The following PDE1A variants were observed in gnomAD, a reference collection of about 807,000 sequenced individuals.
PDE1A encodes dual specificity calcium/calmodulin-dependent 3',5'-cyclic nucleotide phosphodiesterase 1A.
Under a neutral mutation model 61.7 loss-of-function variants are expected in PDE1A, and 35 were observed. The observed-to-expected ratio is 0.57, with a 90% CI of 0.43 to 0.75. The LOEUF (loss-of-function observed/expected upper bound fraction) is 0.75. PDE1A is among the 30% of genes least tolerant of loss of function. The pLI, the probability that PDE1A is intolerant of heterozygous loss-of-function variation, is 0.00. For synonymous variants in PDE1A, 232 were observed against 213.2 expected (o/e 1.09, Z -0.77); for missense variants, 597 against 630.6 (o/e 0.95, Z 0.57).
At chr2:182,342,764 C>A (rs1698275869) in intron 1 of PDE1A, among the ~76,000 whole-genome samples, 1 of 152,160 alleles carries the variant, frequency 6.6e-6, no homozygotes, top group Non-Finnish European at 1.5e-5. Context: ...TAGAAATAGT[C>A]ATCATTTATA....
At chr2:182,185,941 C>T in exon 13 of PDE1A, 1 of 1,614,006 alleles carries the variant, frequency 6.2e-7, no homozygotes, top group East Asian at 2.2e-5. Flanking sequence ...GAATGATGTC[C>T]ACCAGGTTGT....
chr2:182,541,312 T>A, the PDE1A span, among the ~76,000 whole-genome samples: 1 of 152,224 alleles, frequency 6.6e-6, no homozygotes, highest in Non-Finnish European at 1.5e-5. Flanking sequence ...GCTAATGATC[T>A]AAACACTTAA....
At chr2:182,563,387 G>C in the PDE1A span, among the ~76,000 whole-genome samples, 2 of 152,114 alleles carry the variant, frequency 1.3e-5, no homozygotes, top group East Asian at 1.9e-4. Flanking sequence ...TCTTAATCCT[G>C]AGTTCTAGTT....
intron 3 of PDE1A, among the ~76,000 whole-genome samples, chr2:182,237,350 G>C (rs1386926420): frequency 6.6e-6 from 1 of 152,086 alleles, no homozygotes; most frequent in African/African-American, 2.4e-5. Context: ...AAAACAATTA[G>C]CCGTGCGTGG....
intron 13 of PDE1A, among the ~76,000 whole-genome samples, chr2:182,154,994 T>C (rs1392698403): frequency 6.6e-6 from 1 of 151,446 alleles, no homozygotes; most frequent in African/African-American, 2.4e-5. Flanking sequence ...ACCACTTATC[T>C]GAAATCTCTC....
At chr2:182,586,300 T>G in the PDE1A span, among the ~76,000 whole-genome samples, 1 of 152,278 alleles carries the variant, frequency 6.6e-6, no homozygotes, top group East Asian at 1.9e-4. Flanking sequence ...AATAAATATT[T>G]TAGAGAACAC....
intron 10 of PDE1A, among the ~76,000 whole-genome samples, chr2:182,197,724 T>A (rs1205555697): frequency 6.6e-6 from 1 of 151,874 alleles, no homozygotes; most frequent in Non-Finnish European, 1.5e-5. Context: ...ATGAGCCTGT[T>A]TCTGAAATCA....
chr2:182,404,639 AT>A (rs917639817), intron 1 of PDE1A, among the ~76,000 whole-genome samples: 16 of 149,976 alleles, frequency 1.1e-4, no homozygotes, highest in African/African-American at 2.7e-4. Context: ...TAAAACTTGT[AT>A]TTTTTTTTTA....
chr2:182,352,017 A>G (rs896100054), intron 1 of PDE1A, among the ~76,000 whole-genome samples: 2 of 152,188 alleles, frequency 1.3e-5, no homozygotes, highest in African/African-American at 4.8e-5. Flanking sequence ...TTCACACATA[A>G]AGATGTTATG....
intron 2 of PDE1A, among the ~76,000 whole-genome samples, chr2:182,462,294 T>TAA (rs1283112435): frequency 1.3e-5 from 2 of 151,474 alleles, no homozygotes; most frequent in East Asian, 3.9e-4. Context: ...CCCTAGAACT[T>TAA]AAAGTATAAT....
the PDE1A span, among the ~76,000 whole-genome samples, chr2:182,665,833 T>A: frequency 1.3e-5 from 2 of 152,186 alleles, no homozygotes; most frequent in Admixed American, 1.3e-4. Flanking sequence ...CCATTAATGA[T>A]AGACTGGATA....
At chr2:182,150,438 C>CAA (rs1296544892) in intron 13 of PDE1A, among the ~76,000 whole-genome samples, 1 of 152,132 alleles carries the variant, frequency 6.6e-6, no homozygotes, top group African/African-American at 2.4e-5. Flanking sequence ...TTTTGAATTT[C>CAA]ATCTTACTGA....
At chr2:182,567,717 C>T in the PDE1A span, among the ~76,000 whole-genome samples, 3 of 151,412 alleles carry the variant, frequency 2.0e-5, no homozygotes, top group East Asian at 1.9e-4. Flanking sequence ...ATCTAATTTC[C>T]CTGATAATGA....
chr2:182,280,408 C>A (rs951657733), intron 1 of PDE1A, among the ~76,000 whole-genome samples: 1 of 151,902 alleles, frequency 6.6e-6, no homozygotes, highest in African/African-American at 2.4e-5. Context: ...TATGACCTCA[C>A]TTCTGAATTT....
chr2:182,692,525 G>T, the PDE1A span, among the ~76,000 whole-genome samples: 12 of 151,796 alleles, frequency 7.9e-5, no homozygotes, highest in Admixed American at 1.3e-4. Flanking sequence ...GTTGTGGGGT[G>T]GGGGGAGTGG....
At chr2:182,318,316 A>G (rs1263336348) in intron 1 of PDE1A, among the ~76,000 whole-genome samples, 1 of 152,086 alleles carries the variant, frequency 6.6e-6, no homozygotes, top group East Asian at 1.9e-4. Context: ...TGCATTTTCA[A>G]CCTACACACA....
chr2:182,632,794 A>T, the PDE1A span, among the ~76,000 whole-genome samples: 1 of 152,194 alleles, frequency 6.6e-6, no homozygotes, highest in Non-Finnish European at 1.5e-5. Flanking sequence ...CACAATTTTA[A>T]ATAAAAGTTT....
the PDE1A span, among the ~76,000 whole-genome samples, chr2:182,609,650 A>G: frequency 6.6e-6 from 1 of 152,234 alleles, no homozygotes; most frequent in Non-Finnish European, 1.5e-5. Flanking sequence ...CAGAAGGAAC[A>G]AACTCTGGAC....
chr2:182,588,392 T>C, the PDE1A span, among the ~76,000 whole-genome samples: 1 of 152,200 alleles, frequency 6.6e-6, no homozygotes. Context: ...TTCCTGTAGT[T>C]TTAAATTTCC....
Sources: allele counts gnomAD v4.1 joint callset (sites outside exome capture counted in the v4.1 genomes callset), GRCh38; gene constraint gnomAD v4.1.1; transcripts MANE v1.5; gene names NCBI Gene and HGNC (gene_info 2026-07-23, HGNC 2026-07-21).